LAMA2: variants seen among roughly 807,000 people sequenced by gnomAD.
The protein encoded by LAMA2 is laminin subunit alpha 2.
Under a neutral mutation model 364.8 loss-of-function variants are expected in LAMA2, and 269 were observed. The ratio of observed to expected loss-of-function variants is 0.74; its 90% CI spans 0.67 to 0.82. The LOEUF (loss-of-function observed/expected upper bound fraction) is 0.82, where lower values mean the gene tolerates loss of function less well. Ranked by LOEUF, LAMA2 falls within the 40% of genes least tolerant of loss-of-function variation. The pLI is 0.00. For synonymous variants in LAMA2, 1,379 were observed against 1,370.6 expected, an observed-to-expected ratio of 1.01 and a Z score of -0.14; for missense variants, 3,807 against 3,873.2, an observed-to-expected ratio of 0.98 and a Z score of 0.45.
chr6:129,268,423 TG>T (rs1277486592), intron 16 of LAMA2, among the ~76,000 whole-genome samples: 1 of 152,082 alleles, frequency 6.6e-6, no homozygotes, highest in Non-Finnish European at 1.5e-5. Context: ...GACATGGAAT[TG>T]TTTTACTTAC....
chr6:129,029,220 T>G (rs2114730009), intron 1 of LAMA2, among the ~76,000 whole-genome samples: 1 of 151,906 alleles, frequency 6.6e-6, no homozygotes, highest in Non-Finnish European at 1.5e-5. Context: ...TGTGCAAGTG[T>G]GGAGAAAAAT....
intron 40 of LAMA2, among the ~76,000 whole-genome samples, chr6:129,404,275 T>C (rs1172221120): frequency 7.5e-6 from 1 of 133,652 alleles, no homozygotes; most frequent in Non-Finnish European, 1.6e-5. Context: ...TTATCTCAAA[T>C]GGCATTAGTA....
chr6:129,088,554 G>A (rs1050125023), intron 3 of LAMA2, among the ~76,000 whole-genome samples: 7 of 151,376 alleles, frequency 4.6e-5, no homozygotes, highest in African/African-American at 9.7e-5. Flanking sequence ...TGGACGGGGC[G>A]GCTGGCAGGG....
At chr6:129,229,409 CA>C (rs1784532958) in intron 12 of LAMA2, among the ~76,000 whole-genome samples, 1 of 151,910 alleles carries the variant, frequency 6.6e-6, no homozygotes, top group African/African-American at 2.4e-5. Flanking sequence ...CAAAGACCCT[CA>C]AGGATGGGGT....
chr6:129,282,797 T>C (rs1403748736), intron 18 of LAMA2, among the ~76,000 whole-genome samples: 1 of 152,154 alleles, frequency 6.6e-6, no homozygotes, highest in Non-Finnish European at 1.5e-5. Context: ...CATCTGCCTT[T>C]CCAAATCCAT....
chr6:129,513,081 G>C (rs1298625755), intron 63 of LAMA2, among the ~76,000 whole-genome samples: 1 of 152,134 alleles, frequency 6.6e-6, no homozygotes. Context: ...TTGCACTATA[G>C]GCAGCAGGTA....
intron 34 of LAMA2, 101 bp from the exon 35 acceptor site, chr6:129,383,021 C>T (rs991588156): frequency 4.7e-5 from 44 of 929,718 alleles, no homozygotes; most frequent in African/African-American, 8.1e-5. Context: ...TTGCCGTTGG[C>T]TCAAAGTAAT....
chr6:129,445,623 G>A (rs761647160), intron 44 of LAMA2, 44 bp from the exon 45 acceptor site: 13 of 1,515,400 alleles, frequency 8.6e-6, no homozygotes, highest in East Asian at 4.5e-5. Context: ...GTGTGTGCAC[G>A]TGTGTGCATG....
intron 56 of LAMA2, among the ~76,000 whole-genome samples, chr6:129,487,059 A>G (rs2114850104): frequency 6.6e-6 from 1 of 152,266 alleles, no homozygotes; most frequent in Admixed American, 6.5e-5. Context: ...ACAGATACAG[A>G]GTGTGGCAGC....
rs992743415 is a variant in LAMA2 at position 129,457,513 on chromosome 6, G to C, written c.6867+1019G>C. Among the ~76,000 whole-genome samples the C allele has an allele frequency of 2.5e-4, 38 of 151,846 alleles. 1 individual carries two copies. Among genetic ancestry groups the C allele is most frequent in the Admixed American group, 2.2e-3 (33 of 15,224 alleles). ...TTAGACAAGTCACTTAACCCCTTGGGCTTTGGTTATCTCAACTAGAAAAGA... is the reference window on the plus strand; with the variant it reads ...TTAGACAAGTCACTTAACCCCTTGGCCTTTGGTTATCTCAACTAGAAAAGA... On this transcript the variant is annotated intron_variant, in intron 48 of 64. Transcript: ENST00000421865.
At chr6:129,116,672 A>G (rs1428568290) in intron 4 of LAMA2, among the ~76,000 whole-genome samples, 2 of 152,108 alleles carry the variant, frequency 1.3e-5, no homozygotes, top group Admixed American at 6.6e-5. Flanking sequence ...GTTTCAGAGA[A>G]ACAATTTTAA....
intron 5 of LAMA2, among the ~76,000 whole-genome samples, chr6:129,146,045 G>A (rs567426537): frequency 1.3e-5 from 2 of 151,986 alleles, no homozygotes; most frequent in South Asian, 2.1e-4. Flanking sequence ...GACACTATAT[G>A]TATGTAACAA....
intron 2 of LAMA2, among the ~76,000 whole-genome samples, chr6:129,059,164 T>C (rs1322291562): frequency 6.6e-6 from 1 of 152,222 alleles, no homozygotes; most frequent in Non-Finnish European, 1.5e-5. Context: ...CAGCATTTGC[T>C]GGTCTCCAAG....
At chr6:129,348,993 C>A (rs1473319111) in intron 30 of LAMA2, among the ~76,000 whole-genome samples, 1 of 152,054 alleles carries the variant, frequency 6.6e-6, no homozygotes, top group Non-Finnish European at 1.5e-5. Context: ...AACAATAGGA[C>A]AATTTTGCTG....
rs772823668 is a variant in LAMA2 at position 129,320,629 on chromosome 6, C to G, written c.4150C>G (p.Leu1384Val). The G allele has an allele frequency of 3.1e-6, 5 of 1,611,052 alleles. No individual in the cohort carries two copies. In the Admixed American group the frequency reaches 6.7e-5, roughly 21 times the overall value. ...CTTGATTGAAAAATGTGATTGTCCC[C>G]TGGGCTATTCTGGCCTGTCCTGTGA... Reference protein sequence around the residue: ...ADLIEKCDCPLGYSGLSCEAC... With the variant: ...ADLIEKCDCPVGYSGLSCEAC... Residue 1384 changes from leucine to valine, a missense_variant, in exon 28 of 65, where the codon CTG becomes GTG. Physicochemically the swap from Leu to Val is conservative, Grantham distance 32. Around this residue, in one of 3 missense-constraint regions of LAMA2, gnomAD observed 3,333 missense variants for 3,345.7 expected, o/e 1.00. Coordinates refer to ENST00000421865, the MANE Select transcript of LAMA2 (RefSeq NM_000426.4).
intron 1 of LAMA2, among the ~76,000 whole-genome samples, chr6:128,983,629 A>G (rs1460050370): frequency 6.6e-6 from 1 of 152,204 alleles, no homozygotes; most frequent in Admixed American, 6.5e-5. Flanking sequence ...ACACCTTGCT[A>G]AAAAGTTTGG....
intron 12 of LAMA2, among the ~76,000 whole-genome samples, chr6:129,249,201 A>G (rs1785993406): frequency 6.6e-6 from 1 of 152,168 alleles, no homozygotes. Context: ...AACCCTGCGA[A>G]GCCAAGTCTC....
intron 22 of LAMA2, among the ~76,000 whole-genome samples, chr6:129,309,746 C>T (rs1052920379): frequency 5.9e-5 from 9 of 152,082 alleles, no homozygotes; most frequent in Non-Finnish European, 1.3e-4. Context: ...GAAGCTTTGT[C>T]CATATTTATA....
At chr6:129,197,952 AG>A (rs1277268308) in intron 12 of LAMA2, among the ~76,000 whole-genome samples, 21 of 152,206 alleles carry the variant, frequency 1.4e-4, no homozygotes, top group Admixed American at 5.9e-4. Context: ...TTATATAAAA[AG>A]CATTTTAATA....
Sources: allele counts gnomAD v4.1 joint callset (sites outside exome capture counted in the v4.1 genomes callset), GRCh38; gene constraint gnomAD v4.1.1; regional missense constraint gnomAD v4.1.1; transcripts MANE v1.5; gene names NCBI Gene and HGNC (gene_info 2026-07-23, HGNC 2026-07-21).